TENM4: variants seen among roughly 807,000 people sequenced by gnomAD.
TENM4 encodes teneurin-4.
TENM4 carries 82 observed loss-of-function variants against 243.3 expected under a neutral mutation model. The observed-to-expected ratio is 0.34, with a 90% CI of 0.28 to 0.40. TENM4 has a LOEUF of 0.40. TENM4 is among the 10% of genes least tolerant of loss of function. The pLI, the probability that TENM4 is intolerant of heterozygous loss-of-function variation, is 1.00. For synonymous variants in TENM4, 1,412 were observed against 1,456.3 expected (o/e 0.97, Z 0.69); for missense variants, 3,138 against 3,673.3 (o/e 0.85, Z 3.77).
chr11:79,050,828 G>A (rs1213358546), intron 6 of TENM4, among the ~76,000 whole-genome samples: 1 of 152,194 alleles, frequency 6.6e-6, no homozygotes, highest in African/African-American at 2.4e-5. Context: ...CCAGAAGAAG[G>A]ATCCTTCTCA....
intron 6 of TENM4, among the ~76,000 whole-genome samples, chr11:78,987,928 T>C (rs896466987): frequency 5.3e-5 from 8 of 152,170 alleles, no homozygotes; most frequent in Non-Finnish European, 7.4e-5. Context: ...GCTGGCTCTG[T>C]CTAGGCTGGT....
At position 79,438,637 on chromosome 11, in the gene TENM4, C is replaced by G. The variant is rs1344367378; in HGVS notation, c.-321+1872G>C. 2.0e-5 allele frequency among the ~76,000 whole-genome samples: 3 copies of G among 152,174 alleles called. No individual in the cohort carries two copies. The highest frequency in any genetic ancestry group is 4.4e-5 in the Non-Finnish European group (3 of 68,028). Reference sequence around the variant, plus strand: ...CGTGAAGGGCACAGGGCTTGAAAGACAAGGAGGGGCGCCCAGGAAGGGCGG... The same window carrying G: ...CGTGAAGGGCACAGGGCTTGAAAGAGAAGGAGGGGCGCCCAGGAAGGGCGG... On this transcript the variant is annotated intron_variant, in intron 1 of 33. Transcript: ENST00000278550. The surrounding 1 kb of genome is among the most constrained non-coding windows in gnomAD (Gnocchi z 4.1).
At chr11:79,359,524 G>A (rs1857556020) in intron 1 of TENM4, among the ~76,000 whole-genome samples, 1 of 152,124 alleles carries the variant, frequency 6.6e-6, no homozygotes, top group Admixed American at 6.5e-5. Context: ...GAATACATGA[G>A]GAGGTTATTA....
At chr11:79,199,645 T>C (rs1863702044) in intron 3 of TENM4, among the ~76,000 whole-genome samples, 1 of 152,232 alleles carries the variant, frequency 6.6e-6, no homozygotes, top group African/African-American at 2.4e-5. Flanking sequence ...GTCCTGGGGC[T>C]GGACAGCTCA....
intron 32 of TENM4, among the ~76,000 whole-genome samples, chr11:78,662,111 G>A (rs898983118): frequency 2.0e-5 from 3 of 152,064 alleles, no homozygotes; most frequent in African/African-American, 7.2e-5. Context: ...CCTAGGCTGC[G>A]ATCAGAGTCT....
At chr11:79,099,017 T>C (rs778070986) in intron 4 of TENM4, among the ~76,000 whole-genome samples, 2 of 152,192 alleles carry the variant, frequency 1.3e-5, no homozygotes, top group Non-Finnish European at 2.9e-5. Flanking sequence ...AACTGTTTAA[T>C]TGGAATAAAT....
At chr11:78,855,343 T>C (rs1858654561) in intron 11 of TENM4, among the ~76,000 whole-genome samples, 1 of 152,230 alleles carries the variant, frequency 6.6e-6, no homozygotes, top group African/African-American at 2.4e-5. Flanking sequence ...CAAGTGTCTG[T>C]TCTTCATTAA....
chr11:79,005,358 C>T (rs1402365656), intron 6 of TENM4, among the ~76,000 whole-genome samples: 2 of 152,074 alleles, frequency 1.3e-5, no homozygotes, highest in East Asian at 3.8e-4. Context: ...TCCTCAACAA[C>T]GTATTAGCAA....
chr11:78,757,244 G>A (rs556637403), intron 18 of TENM4, among the ~76,000 whole-genome samples: 1 of 152,356 alleles, frequency 6.6e-6, no homozygotes, highest in South Asian at 2.1e-4. Flanking sequence ...AGTGTACAGT[G>A]TCTGTACTGT....
chr11:79,397,104 G>A lies in TENM4; in HGVS notation c.-321+43405C>T, dbSNP rs538253411. Among the ~76,000 whole-genome samples the A allele has an allele frequency of 7.9e-5, 12 of 152,296 alleles. No individual in the cohort carries two copies. In the South Asian group the frequency reaches 2.1e-3, roughly 26 times the overall value. On this transcript the variant is annotated intron_variant, in intron 1 of 33. Transcript: ENST00000278550. ...GAAGTCACAGAATTTGGCTTGACGT[G>A]TTAGGGCAGAACACTCAAAGGGATG...
At chr11:79,262,328 G>A (rs560053850) in intron 2 of TENM4, among the ~76,000 whole-genome samples, 7 of 152,292 alleles carry the variant, frequency 4.6e-5, no homozygotes, top group Non-Finnish European at 7.4e-5. Flanking sequence ...TTCTTTCACA[G>A]GCTCTATTCA....
intron 1 of TENM4, among the ~76,000 whole-genome samples, chr11:79,309,945 C>T (rs1270404681): frequency 6.6e-6 from 1 of 152,216 alleles, no homozygotes; most frequent in Non-Finnish European, 1.5e-5. Flanking sequence ...TAATCTGGGT[C>T]TGCCTGTGGG....
At chr11:79,399,552 C>T (rs975463600) in intron 1 of TENM4, among the ~76,000 whole-genome samples, 3 of 152,168 alleles carry the variant, frequency 2.0e-5, no homozygotes, top group East Asian at 1.9e-4. Flanking sequence ...GTCCAAGATG[C>T]TACTCAAAGC....
chr11:78,761,401 A>G (rs1433438264), intron 18 of TENM4, among the ~76,000 whole-genome samples: 1 of 151,770 alleles, frequency 6.6e-6, no homozygotes, highest in East Asian at 1.9e-4. Flanking sequence ...CACCACACCC[A>G]GCTAATTTAT....
chr11:78,726,912 C>T (rs7130965), intron 22 of TENM4, among the ~76,000 whole-genome samples: 1,809 of 152,226 alleles, frequency 0.012, 28 homozygotes, highest in African/African-American at 0.041. Context: ...AACACGAGAA[C>T]GGACTAATAT....
intron 1 of TENM4, among the ~76,000 whole-genome samples, chr11:79,386,737 G>C (rs12285387): frequency 6.7e-6 from 1 of 148,158 alleles, no homozygotes; most frequent in Admixed American, 6.8e-5. Flanking sequence ...AATGAACACG[G>C]CCGTTGAGTT....
intron 16 of TENM4, among the ~76,000 whole-genome samples, chr11:78,778,965 G>C (rs1053745481): frequency 3.3e-5 from 5 of 152,248 alleles, no homozygotes; most frequent in African/African-American, 4.8e-5. Context: ...TGCTCTGCCA[G>C]CTTCGTCTGG....
intron 12 of TENM4, among the ~76,000 whole-genome samples, chr11:78,850,139 A>ATATTTG (rs1346143978): frequency 6.6e-6 from 1 of 152,306 alleles, no homozygotes; most frequent in East Asian, 1.9e-4. Flanking sequence ...CTGTGCGTAT[A>ATATTTG]TATTTGTGTG....
intron 2 of TENM4, among the ~76,000 whole-genome samples, chr11:79,257,654 C>G (rs890295113): frequency 6.6e-6 from 1 of 152,144 alleles, no homozygotes; most frequent in Non-Finnish European, 1.5e-5. Context: ...AACCATCTGC[C>G]AGGGAGGTTG....
Sources: gnomAD v4.1 joint callset for allele counts (sites outside exome capture counted in the v4.1 genomes callset) on GRCh38, gnomAD v4.1.1 for gene constraint, Gnocchi (gnomAD v3.1) non-coding constraint, MANE v1.5 for transcripts, NCBI Gene and HGNC (gene_info 2026-07-23, HGNC 2026-07-21) for gene names.